The following SPIDR variants were observed in gnomAD, a reference collection of about 807,000 sequenced individuals.
SPIDR encodes scaffold protein involved in DNA repair.
A neutral mutation model predicts 104.6 loss-of-function variants in SPIDR; 93 were observed. The ratio of observed to expected loss-of-function variants is 0.89; its 90% CI spans 0.75 to 1.06. SPIDR has a LOEUF of 1.06. Among genes scored for constraint, SPIDR ranks in the 50% least tolerant of loss-of-function variants. SPIDR has a pLI of 0.00. For missense variants in SPIDR, 1,154 were observed against 1,111.2 expected (o/e 1.04, Z -0.55); for synonymous variants, 431 against 416.9 (o/e 1.03, Z -0.41).
intron 8 of SPIDR, among the ~76,000 whole-genome samples, chr8:47,502,299 T>A (rs1420720700): frequency 6.6e-6 from 1 of 152,240 alleles, no homozygotes; most frequent in East Asian, 1.9e-4. Flanking sequence ...AAGCTATTAA[T>A]TATTGCCTCA....
chr8:47,729,124 T>C (rs1280522311), intron 18 of SPIDR, 77 bp downstream of exon 18: 1 of 1,571,238 alleles, frequency 6.4e-7, no homozygotes, highest in Non-Finnish European at 8.6e-7. Context: ...CTGAAGCAGG[T>C]GCACGTCCTC....
chr8:47,685,497 A>ATTTTTTTTTTTTTTTTTTT (rs1383864694), intron 11 of SPIDR, among the ~76,000 whole-genome samples: 2 of 113,140 alleles, frequency 1.8e-5, no homozygotes, highest in African/African-American at 5.4e-5. Context: ...TTATTTATTT[A>ATTTTTTTTTTTTTTTTTTT]TTTATTTATT....
At chr8:47,314,645 T>C (rs941784789) in intron 5 of SPIDR, among the ~76,000 whole-genome samples, 6 of 152,150 alleles carry the variant, frequency 3.9e-5, no homozygotes, top group Non-Finnish European at 8.8e-5. Context: ...AACTGCTCCA[T>C]GATGCAGTTA....
intron 10 of SPIDR, among the ~76,000 whole-genome samples, chr8:47,600,950 T>C (rs1024437206): frequency 6.6e-6 from 1 of 152,194 alleles, no homozygotes; most frequent in South Asian, 2.1e-4. Flanking sequence ...TCACAACCAA[T>C]GCACGTTATG....
chr8:47,565,993 T>TATA (rs1491137131), intron 8 of SPIDR, among the ~76,000 whole-genome samples: 3 of 28,804 alleles, frequency 1.0e-4, no homozygotes, highest in Non-Finnish European at 1.4e-4. Context: ...TATATATATA[T>TATA]TTTTTTTTTT....
At chr8:47,262,292 T>G (rs2032639680) in intron 1 of SPIDR, among the ~76,000 whole-genome samples, 1 of 152,198 alleles carries the variant, frequency 6.6e-6, no homozygotes, top group Non-Finnish European at 1.5e-5. Flanking sequence ...TCACTTCTGG[T>G]CTCTTCATCT....
chr8:47,503,329 G>C (rs2080870297), intron 8 of SPIDR, among the ~76,000 whole-genome samples: 1 of 152,070 alleles, frequency 6.6e-6, no homozygotes, highest in Admixed American at 6.5e-5. Flanking sequence ...TCCTGTATTG[G>C]GTGCATATAT....
intron 8 of SPIDR, among the ~76,000 whole-genome samples, chr8:47,462,824 G>A (rs1293392300): frequency 4.6e-5 from 7 of 152,096 alleles, no homozygotes; most frequent in Admixed American, 3.9e-4. Flanking sequence ...CCAAACTTTA[G>A]CTAGATTGAC....
intron 5 of SPIDR, chr8:47,330,950 G>GT (rs1283178524): frequency 5.0e-5 from 17 of 337,154 alleles, no homozygotes; most frequent in Non-Finnish European, 1.2e-5. Context: ...CAAAGTGGCT[G>GT]TAACATTTTG....
rs572419960 is a variant in SPIDR, at chr8:47,401,905, G to A, written c.776+5279G>A. 2.6e-5 allele frequency among the ~76,000 whole-genome samples: 4 copies of A among 152,268 alleles called. No homozygotes were observed. The East Asian group carries it at 7.7e-4, about 29-fold the overall frequency. Reference sequence around the variant, plus strand: ...TAATGGGAGACTTGTACACCCCACTGTCAACATTAGACAGATCAATGAGAC... The same window carrying A: ...TAATGGGAGACTTGTACACCCCACTATCAACATTAGACAGATCAATGAGAC... On this transcript the variant is annotated intron_variant, in intron 6 of 19. Transcript: ENST00000297423.
chr8:47,562,877 G>C (rs533197482), intron 8 of SPIDR, among the ~76,000 whole-genome samples: 2 of 152,060 alleles, frequency 1.3e-5, no homozygotes, highest in Non-Finnish European at 2.9e-5. Flanking sequence ...CTGAATGCAC[G>C]TTCAGTCTAG....
At chr8:47,277,907 T>G (rs2154219523) in intron 1 of SPIDR, among the ~76,000 whole-genome samples, 1 of 151,936 alleles carries the variant, frequency 6.6e-6, no homozygotes, top group South Asian at 2.1e-4. Flanking sequence ...ACTCCTGACT[T>G]TGTGATTCGC....
intron 5 of SPIDR, among the ~76,000 whole-genome samples, chr8:47,316,215 C>G (rs2045313526): frequency 6.6e-6 from 1 of 152,088 alleles, no homozygotes; most frequent in Non-Finnish European, 1.5e-5. Flanking sequence ...TAAACATCGT[C>G]AATTATTAAG....
intron 8 of SPIDR, among the ~76,000 whole-genome samples, chr8:47,594,106 T>C (rs902292208): frequency 3.7e-5 from 5 of 135,050 alleles, no homozygotes; most frequent in Non-Finnish European, 7.5e-5. Flanking sequence ...ACGCCTGTAA[T>C]CCCAGCACTT....
At chr8:47,493,087 A>G (rs1054478478) in intron 8 of SPIDR, among the ~76,000 whole-genome samples, 3 of 147,176 alleles carry the variant, frequency 2.0e-5, no homozygotes, top group Admixed American at 6.9e-5. Flanking sequence ...GTTTAAATAG[A>G]ACTTCGCAGA....
intron 5 of SPIDR, among the ~76,000 whole-genome samples, chr8:47,346,951 C>A (rs1587435994): frequency 6.6e-6 from 1 of 152,088 alleles, no homozygotes; most frequent in South Asian, 2.1e-4. Context: ...GTCTCTGTCT[C>A]CTTCAGTTCT....
At chr8:47,464,854 A>G (rs1280622684) in intron 8 of SPIDR, among the ~76,000 whole-genome samples, 3 of 151,986 alleles carry the variant, frequency 2.0e-5, no homozygotes, top group Non-Finnish European at 1.5e-5. Context: ...CTGCAACCTC[A>G]GCCTCCCGGG....
intron 8 of SPIDR, among the ~76,000 whole-genome samples, chr8:47,485,116 G>C (rs941983615): frequency 2.6e-5 from 4 of 152,234 alleles, no homozygotes; most frequent in South Asian, 4.1e-4. Context: ...AGCTGTGATA[G>C]ACGACGCCTG....
intron 5 of SPIDR, among the ~76,000 whole-genome samples, chr8:47,363,392 G>C (rs2056522330): frequency 1.3e-5 from 2 of 150,260 alleles, no homozygotes; most frequent in South Asian, 4.2e-4. Flanking sequence ...ATTTTTAGTA[G>C]AGATGGGGTT....
Sources: gnomAD v4.1 joint callset for allele counts (sites outside exome capture counted in the v4.1 genomes callset) on GRCh38, gnomAD v4.1.1 for gene constraint, MANE v1.5 for transcripts, NCBI Gene and HGNC (gene_info 2026-07-23, HGNC 2026-07-21) for gene names.